GOLM2: variants seen among roughly 807,000 people sequenced by gnomAD.
The protein encoded by GOLM2 is protein GOLM2.
Under a neutral mutation model 55.9 loss-of-function variants are expected in GOLM2, and 26 were observed. The ratio of observed to expected loss-of-function variants is 0.47; its 90% CI spans 0.34 to 0.65. GOLM2 has a LOEUF of 0.65. GOLM2 is among the 30% of genes least tolerant of loss of function. The pLI is 0.01. For missense variants in GOLM2, 486 were observed against 531.8 expected, an observed-to-expected ratio of 0.91 and a Z score of 0.85; for synonymous variants, 165 against 194.6, an observed-to-expected ratio of 0.85 and a Z score of 1.27.
chr15:44,361,434 T>C (rs1211644558), intron 6 of GOLM2, among the ~76,000 whole-genome samples: 1 of 151,868 alleles, frequency 6.6e-6, no homozygotes. Context: ...GCAAATAAAC[T>C]AGAAAATCTA....
intron 6 of GOLM2, among the ~76,000 whole-genome samples, chr15:44,344,579 C>A (rs1196207695): frequency 6.6e-6 from 1 of 151,492 alleles, no homozygotes; most frequent in Non-Finnish European, 1.5e-5. Context: ...CTTTTAAAAT[C>A]TTTTTGTTAT....
chr15:44,370,374 C>G (rs2079321927), intron 6 of GOLM2, among the ~76,000 whole-genome samples: 1 of 152,118 alleles, frequency 6.6e-6, no homozygotes, highest in South Asian at 2.1e-4. Context: ...TGGCCTTTAA[C>G]TCTAGAGTGT....
intron 6 of GOLM2, among the ~76,000 whole-genome samples, chr15:44,368,581 A>G (rs987408374): frequency 1.8e-4 from 27 of 151,800 alleles, no homozygotes; most frequent in Non-Finnish European, 1.0e-4. Flanking sequence ...CAGTCAGCAT[A>G]TATTTCACTT....
At chr15:44,370,000 G>T (rs1595654003) in intron 6 of GOLM2, among the ~76,000 whole-genome samples, 1 of 152,266 alleles carries the variant, frequency 6.6e-6, no homozygotes, top group African/African-American at 2.4e-5. Flanking sequence ...AGAATTTGGA[G>T]TCTGATGTTT....
intron 1 of GOLM2, among the ~76,000 whole-genome samples, chr15:44,315,156 T>G (rs1464258477): frequency 2.0e-5 from 3 of 152,218 alleles, no homozygotes; most frequent in Admixed American, 2.0e-4. Context: ...CCCCAGGTGA[T>G]TCTGAGCATC....
chr15:44,296,136 G>T (rs1050490983), intron 1 of GOLM2, among the ~76,000 whole-genome samples: 3 of 152,172 alleles, frequency 2.0e-5, no homozygotes, highest in Admixed American at 6.5e-5. Flanking sequence ...CCACAGCCAG[G>T]AACTCCTGGT....
In GOLM2 at chr15:44,413,669, T is replaced by TA; in HGVS notation, c.*264dup. 3.0e-6 allele frequency: 1 copy of TA among 338,884 alleles called. No homozygotes were observed. Among genetic ancestry groups the TA allele is most frequent in the East Asian group, 5.5e-5 (1 of 18,292 alleles). 21.0% of individuals were successfully genotyped at this position (338,884 alleles called of 1,614,324 possible). A position where few individuals can be genotyped will look rare whatever the true frequency, so the allele number is the denominator to read the frequency against. ...TCTTTGCATCTAAAGCAAACTAATG[T>TA]ATATTTCACATTTTATTGAGCCGAC... is the stretch of plus-strand genomic sequence containing the variant. On this transcript the variant is annotated 3_prime_UTR_variant, in exon 10 of 10. Transcript: ENST00000299957.
At chr15:44,386,903 G>A (rs572187682) in intron 8 of GOLM2, among the ~76,000 whole-genome samples, 220 of 151,294 alleles carry the variant, frequency 1.5e-3, no homozygotes, top group Non-Finnish European at 2.4e-3. Context: ...GGCCGAGTGC[G>A]GTGGCTCATG....
chr15:44,385,141 T>A (rs184873664), intron 8 of GOLM2, among the ~76,000 whole-genome samples: 240 of 152,316 alleles, frequency 1.6e-3, no homozygotes, highest in African/African-American at 5.5e-3. Flanking sequence ...CTATGAACAT[T>A]TATGTACAAG....
At chr15:44,355,317 C>T (rs77546994) in intron 6 of GOLM2, 4,584 of 160,588 alleles carry the variant, frequency 0.029, 244 homozygotes, top group African/African-American at 0.1. Flanking sequence ...CCTGCATCTA[C>T]TGGAACTTCC....
intron 1 of GOLM2, among the ~76,000 whole-genome samples, chr15:44,290,779 C>T (rs2078715112): frequency 5.9e-5 from 9 of 152,090 alleles, no homozygotes; most frequent in Admixed American, 3.3e-4. Flanking sequence ...ATCCATTGGA[C>T]TTTTTGTTGT....
In GOLM2 at chr15:44,379,705, C is replaced by T. The variant is rs755500002; in HGVS notation, c.818C>T (p.Pro273Leu). The T allele has an allele frequency of 6.9e-6, 11 of 1,592,554 alleles. No individual in the cohort carries two copies. Among genetic ancestry groups the T allele is most frequent in the Non-Finnish European group, 2.6e-6 (3 of 1,165,804 alleles). Reference protein sequence around the residue: ...DDLPPALRKPPISVSQHESHQ... With the variant: ...DDLPPALRKPLISVSQHESHQ... Reference sequence around the variant, plus strand: ...TTTCTTCTAGCTTTAAGGAAGCCTCCTATTTCAGTTTCTCAACATGAAAGT... The same window carrying T: ...TTTCTTCTAGCTTTAAGGAAGCCTCTTATTTCAGTTTCTCAACATGAAAGT... The change falls in exon 7 of 10, where the codon CCT becomes CTT. Residue 273 changes from proline (P) to leucine (L), a missense_variant. Physicochemically the swap from Pro to Leu is moderately conservative, Grantham distance 98 (BLOSUM62 -3). Transcript: ENST00000299957.
At chr15:44,396,075 C>T (rs2079524455) in intron 8 of GOLM2, among the ~76,000 whole-genome samples, 1 of 151,984 alleles carries the variant, frequency 6.6e-6, no homozygotes, top group Non-Finnish European at 1.5e-5. Context: ...AGCCATGAGG[C>T]CAGGTGTGGT....
At chr15:44,395,564 G>A (rs773480311) in intron 8 of GOLM2, among the ~76,000 whole-genome samples, 3 of 151,494 alleles carry the variant, frequency 2.0e-5, no homozygotes, top group East Asian at 1.9e-4. Flanking sequence ...CTTTAGGGCC[G>A]GGTGCGGTGG....
intron 6 of GOLM2, among the ~76,000 whole-genome samples, chr15:44,378,072 G>A (rs1384124646): frequency 2.7e-5 from 4 of 147,464 alleles, no homozygotes; most frequent in Admixed American, 6.7e-5. Context: ...TTTTTGAGAC[G>A]GAGTCTTGCT....
intron 1 of GOLM2, among the ~76,000 whole-genome samples, chr15:44,316,745 ACT>A: frequency 6.8e-6 from 1 of 147,198 alleles, no homozygotes; most frequent in Non-Finnish European, 1.5e-5. Context: ...ACAGAGTGAG[ACT>A]CTGTCTCAAA....
Position 44,396,670 on chromosome 15 carries a change from C to T in GOLM2, c.1073-6217C>T, listed in dbSNP as rs555181573. ...GTTGTTTAGCGTGAATTGAAAAGCG[C>T]GTTAAATGCCTAATTAGGTGATGTG... On this transcript the variant is annotated intron_variant, in intron 8 of 9. Coordinates refer to ENST00000299957, the MANE Select transcript of GOLM2 (RefSeq NM_138423.4). Among the ~76,000 whole-genome samples the T allele has an allele frequency of 5.9e-5, 9 of 152,084 alleles. No individual in the cohort carries two copies. The East Asian group carries it at 1.5e-3, about 26-fold the overall frequency.
At chr15:44,409,511 C>T (rs1333251855) in intron 9 of GOLM2, 6 of 141,896 alleles carry the variant, frequency 4.2e-5, no homozygotes, top group African/African-American at 1.6e-4. Context: ...ATTGCTGGAA[C>T]CTGGGAGGCG....
At position 44,414,918 on chromosome 15, in the gene GOLM2, A is replaced by C. The variant is rs2079663627; in HGVS notation, c.*1512A>C. On this transcript the variant is annotated 3_prime_UTR_variant, in exon 10 of 10. Coordinates refer to ENST00000299957, the MANE Select transcript of GOLM2 (RefSeq NM_138423.4). ...TGTTTTCTGATTTAAAGCACTTTTAAATCTTATCCTGCCCCCTAAAAACAA... is the reference window on the plus strand; with the variant it reads ...TGTTTTCTGATTTAAAGCACTTTTACATCTTATCCTGCCCCCTAAAAACAA... 1 of 152,622 alleles carries C rather than the reference A, an allele frequency of 6.6e-6. No individual in the cohort carries two copies. The highest frequency in any genetic ancestry group is 1.5e-5 in the Non-Finnish European group (1 of 68,030). The allele number at this position is 152,622 out of a possible 1,614,324, so 9.5% of individuals were successfully genotyped here.
Sources: gnomAD v4.1 joint callset for allele counts (sites outside exome capture counted in the v4.1 genomes callset) on GRCh38, gnomAD v4.1.1 for gene constraint, MANE v1.5 for transcripts, NCBI Gene and HGNC (gene_info 2026-07-23, HGNC 2026-07-21) for gene names.